BMP6: variants seen among roughly 807,000 people sequenced by gnomAD.
BMP6 encodes the protein VG-1-R.
BMP6 carries 17 observed loss-of-function variants against 54.1 expected under a neutral mutation model. That is an observed-to-expected ratio of 0.31 (90% confidence interval 0.22 to 0.47). The LOEUF is 0.47. BMP6 is among the 20% of genes least tolerant of loss of function. BMP6 has a pLI of 1.00. For missense variants in BMP6, 720 were observed against 690.4 expected, an observed-to-expected ratio of 1.04 and a Z score of -0.48; for synonymous variants, 328 against 291.2, an observed-to-expected ratio of 1.13 and a Z score of -1.28.
intron 4 of BMP6, among the ~76,000 whole-genome samples, chr6:7,865,927 C>T (rs900786955): frequency 6.6e-6 from 1 of 152,132 alleles, no homozygotes; most frequent in Admixed American, 6.5e-5. Context: ...CAGGGTGAAA[C>T]GTGGCAAGGA....
chr6:7,787,842 G>A (rs1758041734), intron 1 of BMP6, among the ~76,000 whole-genome samples: 1 of 152,108 alleles, frequency 6.6e-6, no homozygotes, highest in South Asian at 2.1e-4. Context: ...ACTTGACCTT[G>A]GCACTTTCTT....
At position 7,782,150 on chromosome 6, in the gene BMP6, G is replaced by A. The variant is rs967573086; in HGVS notation, c.664+54531G>A. 1.3e-4 allele frequency among the ~76,000 whole-genome samples: 19 copies of A among 151,452 alleles called. 1 individual carries two copies. Among genetic ancestry groups the A allele is most frequent in the Middle Eastern group, 3.4e-3 (1 of 294 alleles). On this transcript the variant is annotated intron_variant, in intron 1 of 6. Transcript: ENST00000283147. ...GACATGGCGATGGATAAGATGTGAA[G>A]GAGTGCCAGAGGGGGAGGCAAGATG...
chr6:7,807,614 T>TC (rs1201711823), intron 1 of BMP6, among the ~76,000 whole-genome samples: 1 of 152,054 alleles, frequency 6.6e-6, no homozygotes, highest in Non-Finnish European at 1.5e-5. Context: ...TGGGGCTCCA[T>TC]CCCAGACCTA....
intron 1 of BMP6, among the ~76,000 whole-genome samples, chr6:7,748,708 G>A (rs1019934472): frequency 6.6e-6 from 1 of 152,168 alleles, no homozygotes; most frequent in African/African-American, 2.4e-5. Flanking sequence ...GCTTACCGAG[G>A]TGAATGATCA....
chr6:7,775,191 C>A (rs985022111), intron 1 of BMP6, among the ~76,000 whole-genome samples: 8 of 152,124 alleles, frequency 5.3e-5, no homozygotes, highest in Non-Finnish European at 1.2e-4. Flanking sequence ...ACCATAGCAG[C>A]TATATTGAGG....
rs138743435 is a variant in BMP6 at position 7,761,315 on chromosome 6, T to C, written c.664+33696T>C. Among the ~76,000 whole-genome samples the C allele has an allele frequency of 2.8e-4, 42 of 152,352 alleles. No individual in the cohort carries two copies. The East Asian group carries it at 5.8e-3, about 21-fold the overall frequency. On this transcript the variant is annotated intron_variant, in intron 1 of 6. Transcript: ENST00000283147. ...ATCAAAACATTATGCCCTTCAGCAC[T>C]TGGCTGGTTATGATAGTAAGTTTTC...
chr6:7,854,571 C>T (rs1204384248), intron 2 of BMP6, among the ~76,000 whole-genome samples: 3 of 152,238 alleles, frequency 2.0e-5, no homozygotes, highest in South Asian at 2.1e-4. Context: ...CCGGGGCAGG[C>T]GGGTCATTTG....
At chr6:7,790,395 G>A (rs902147541) in intron 1 of BMP6, among the ~76,000 whole-genome samples, 1 of 151,744 alleles carries the variant, frequency 6.6e-6, no homozygotes, top group Non-Finnish European at 1.5e-5. Context: ...GCACACTTCT[G>A]TAGTCCCAGC....
At chr6:7,782,920 A>G (rs1203696782) in intron 1 of BMP6, among the ~76,000 whole-genome samples, 1 of 152,064 alleles carries the variant, frequency 6.6e-6, no homozygotes, top group Non-Finnish European at 1.5e-5. Context: ...GTAATATGAG[A>G]TCCTAAAATA....
chr6:7,880,182 G>A lies in BMP6; in HGVS notation c.1393-12G>A, dbSNP rs1414926877. The A allele has an allele frequency of 3.1e-6, 5 of 1,613,998 alleles. No homozygotes were observed. The highest frequency in any genetic ancestry group is 1.3e-5 in the African/African-American group (1 of 74,916). On this transcript the variant is annotated splice_polypyrimidine_tract_variant and intron_variant, in intron 6 of 6. Coordinates refer to ENST00000283147, the MANE Select transcript of BMP6 (RefSeq NM_001718.6). Reference sequence around the variant, plus strand: ...TTTCTAAGGTACCTTCTCCCCTTCTGTTTTGGAACAGGTTCACCTTATGAA... The same window carrying A: ...TTTCTAAGGTACCTTCTCCCCTTCTATTTTGGAACAGGTTCACCTTATGAA...
intron 4 of BMP6, among the ~76,000 whole-genome samples, chr6:7,878,791 G>T (rs1759664016): frequency 6.6e-6 from 1 of 152,236 alleles, no homozygotes; most frequent in South Asian, 2.1e-4. Flanking sequence ...GCCTCCATAG[G>T]CCTTGCATGC....
chr6:7,778,438 C>G (rs1160296233), intron 1 of BMP6, among the ~76,000 whole-genome samples: 2 of 151,566 alleles, frequency 1.3e-5, no homozygotes, highest in Non-Finnish European at 2.9e-5. Context: ...GTGCCTTGCC[C>G]GAAGTCACAC....
intron 1 of BMP6, among the ~76,000 whole-genome samples, chr6:7,834,608 C>CT (rs1390862452): frequency 6.6e-6 from 1 of 151,280 alleles, no homozygotes; most frequent in Non-Finnish European, 1.5e-5. Flanking sequence ...ACTTGGGAGG[C>CT]TGAGGTAGGA....
intron 2 of BMP6, among the ~76,000 whole-genome samples, chr6:7,858,430 T>C (rs972372541): frequency 1.3e-5 from 2 of 152,122 alleles, no homozygotes; most frequent in African/African-American, 4.8e-5. Context: ...GTGTATCTTA[T>C]TGTATTTTCT....
intron 1 of BMP6, among the ~76,000 whole-genome samples, chr6:7,809,117 CA>C (rs113720343): frequency 0.027 from 2,669 of 99,130 alleles, 38 homozygotes; most frequent in African/African-American, 0.076. Flanking sequence ...CACCCCCCCC[CA>C]AAAAAAAAAC....
intron 1 of BMP6, among the ~76,000 whole-genome samples, chr6:7,815,324 AAG>A (rs1284830642): frequency 2.0e-5 from 3 of 152,246 alleles, no homozygotes; most frequent in South Asian, 2.1e-4. Flanking sequence ...CAGGGTGACT[AAG>A]AGCAAGAACT....
At chr6:7,781,182 T>C (rs1757936952) in intron 1 of BMP6, among the ~76,000 whole-genome samples, 2 of 152,256 alleles carry the variant, frequency 1.3e-5, no homozygotes, top group African/African-American at 4.8e-5. Flanking sequence ...AGACTGTTTA[T>C]ATTCTGCTTA....
At chr6:7,730,503 T>C (rs964115110) in intron 1 of BMP6, among the ~76,000 whole-genome samples, 1 of 152,168 alleles carries the variant, frequency 6.6e-6, no homozygotes, top group African/African-American at 2.4e-5. Context: ...TCTATACTGA[T>C]AGTGTGAAGA....
intron 1 of BMP6, among the ~76,000 whole-genome samples, chr6:7,802,862 T>G (rs1418490109): frequency 6.6e-6 from 1 of 152,188 alleles, no homozygotes; most frequent in African/African-American, 2.4e-5. Context: ...GGCTTAGAGC[T>G]GAATATGCGG....
Sources: allele counts gnomAD v4.1 joint callset (sites outside exome capture counted in the v4.1 genomes callset), GRCh38; gene constraint gnomAD v4.1.1; transcripts MANE v1.5; gene names NCBI Gene and HGNC (gene_info 2026-07-23, HGNC 2026-07-21).